GPHN: variants seen among roughly 807,000 people sequenced by gnomAD.
The protein encoded by GPHN is gephyrin.
A neutral mutation model predicts 95.5 loss-of-function variants in GPHN; 17 were observed. The observed-to-expected ratio is 0.18, with a 90% CI of 0.12 to 0.27. The LOEUF (loss-of-function observed/expected upper bound fraction) is 0.27, where lower values mean the gene tolerates loss of function less well. Ranked by LOEUF, GPHN falls within the 10% of genes least tolerant of loss-of-function variation. GPHN has a pLI of 1.00. For missense variants in GPHN, 660 were observed against 978.1 expected (o/e 0.67, Z 4.34); for synonymous variants, 320 against 322.5 (o/e 0.99, Z 0.08).
chr14:67,717,602 G>C, the GPHN span, among the ~76,000 whole-genome samples: 1 of 152,202 alleles, frequency 6.6e-6, no homozygotes, highest in Non-Finnish European at 1.5e-5. Context: ...GTTCCCAAAC[G>C]GGGGTGATTT....
intron 8 of GPHN, among the ~76,000 whole-genome samples, chr14:66,925,113 C>T (rs2066419180): frequency 6.6e-6 from 1 of 151,936 alleles, no homozygotes; most frequent in Admixed American, 6.6e-5. Flanking sequence ...AAGATACTAC[C>T]AAGTGAAGAC....
At chr14:66,982,631 T>C (rs2070750177) in intron 9 of GPHN, among the ~76,000 whole-genome samples, 1 of 152,208 alleles carries the variant, frequency 6.6e-6, no homozygotes, top group Admixed American at 6.5e-5. Flanking sequence ...AAAAGATTTC[T>C]TCATGATTAA....
At chr14:67,598,824 C>G in the GPHN span, among the ~76,000 whole-genome samples, 4 of 152,076 alleles carry the variant, frequency 2.6e-5, no homozygotes, top group East Asian at 5.8e-4. Context: ...ATTCTCCCGC[C>G]TGAGCCTTCC....
At chr14:67,061,482 A>G (rs1057192556) in intron 11 of GPHN, among the ~76,000 whole-genome samples, 1 of 151,940 alleles carries the variant, frequency 6.6e-6, no homozygotes, top group Non-Finnish European at 1.5e-5. Flanking sequence ...CCTACACGCA[A>G]CTCTTCAGCA....
At chr14:66,973,630 G>A (rs2069978378) in intron 9 of GPHN, among the ~76,000 whole-genome samples, 1 of 152,040 alleles carries the variant, frequency 6.6e-6, no homozygotes, top group African/African-American at 2.4e-5. Context: ...GTGGTGGTGG[G>A]CGCCTGTAAT....
chr14:66,811,491 G>A lies in GPHN; in HGVS notation c.202-12983G>A, dbSNP rs1274757664. 7.4e-5 allele frequency among the ~76,000 whole-genome samples: 11 copies of A among 148,014 alleles called. No individual in the cohort carries two copies. The South Asian group carries it at 2.1e-3, about 29-fold the overall frequency. ...GATTGAATTATTTTTGGTCTTTTTAGTAAGCATGTATTTTAAGAATCATAA... is the reference window on the plus strand; with the variant it reads ...GATTGAATTATTTTTGGTCTTTTTAATAAGCATGTATTTTAAGAATCATAA... On this transcript the variant is annotated intron_variant, in intron 3 of 22. Coordinates refer to ENST00000478722, the MANE Select transcript of GPHN (RefSeq NM_020806.5).
At chr14:67,130,420 G>A (rs561658241) in intron 17 of GPHN, among the ~76,000 whole-genome samples, 1 of 152,248 alleles carries the variant, frequency 6.6e-6, no homozygotes, top group South Asian at 2.1e-4. Context: ...GCCTCCAGCT[G>A]CATCCATGTA....
chr14:67,712,468 C>T, the GPHN span, among the ~76,000 whole-genome samples: 1 of 62,014 alleles, frequency 1.6e-5, no homozygotes, highest in African/African-American at 4.8e-5. Context: ...AAACAGAATT[C>T]AGTCAACTGA....
intron 3 of GPHN, among the ~76,000 whole-genome samples, chr14:66,804,000 TG>T (rs200786549): frequency 0.016 from 2,343 of 149,306 alleles, 32 homozygotes; most frequent in Non-Finnish European, 0.018. Context: ...GCATCTCTTT[TG>T]GGGGTTTTTT....
chr14:67,316,165 A>G, the GPHN span, among the ~76,000 whole-genome samples: 76 of 152,330 alleles, frequency 5.0e-4, 1 homozygote, highest in South Asian at 0.015. Flanking sequence ...CTTGTATCCT[A>G]TAGGAAAAGA....
At chr14:67,550,689 T>C in the GPHN span, among the ~76,000 whole-genome samples, 1 of 152,236 alleles carries the variant, frequency 6.6e-6, no homozygotes, top group Non-Finnish European at 1.5e-5. Context: ...CCAGATCTTT[T>C]GATTTTTTAA....
chr14:67,380,600 T>TA, the GPHN span: 2 of 946,972 alleles, frequency 2.1e-6, no homozygotes, highest in Non-Finnish European at 3.1e-6. Flanking sequence ...AGTGTTTGGT[T>TA]TCACATTTAT....
chr14:67,280,842 TCC>T, the GPHN span, among the ~76,000 whole-genome samples: 1 of 133,620 alleles, frequency 7.5e-6, no homozygotes, highest in African/African-American at 3.2e-5. Context: ...CTTCCTTCCT[TCC>T]TTCCTTCCTT....
intron 17 of GPHN, among the ~76,000 whole-genome samples, chr14:67,137,564 G>C (rs1366659424): frequency 6.6e-6 from 1 of 152,128 alleles, no homozygotes; most frequent in Non-Finnish European, 1.5e-5. Context: ...AGGAGTTCAA[G>C]ACTAGCCTGG....
intron 1 of GPHN, among the ~76,000 whole-genome samples, chr14:66,517,126 C>CAAAAAAAAAAAAAAAAAAA: frequency 3.2e-5 from 1 of 31,014 alleles, no homozygotes; most frequent in Admixed American, 3.5e-4. Flanking sequence ...GACTCCATCT[C>CAAAAAAAAAAAAAAAAAAA]AAAAAAAAAA....
chr14:67,358,517 T>C, the GPHN span, among the ~76,000 whole-genome samples: 1 of 151,882 alleles, frequency 6.6e-6, no homozygotes, highest in Non-Finnish European at 1.5e-5. Context: ...GGGTCAAAAC[T>C]GATTTTCTGC....
the GPHN span, among the ~76,000 whole-genome samples, chr14:67,597,267 C>G: frequency 2.3e-4 from 35 of 152,308 alleles, no homozygotes; most frequent in Non-Finnish European, 4.4e-4. Context: ...CGCTTGAGGC[C>G]AGGAGTTCAA....
chr14:66,605,287 A>G (rs2062468210), intron 1 of GPHN, among the ~76,000 whole-genome samples: 1 of 152,060 alleles, frequency 6.6e-6, no homozygotes, highest in East Asian at 1.9e-4. Context: ...TGCTTTCCAC[A>G]GTGGCTGAAC....
chr14:67,700,437 C>G, the GPHN span, among the ~76,000 whole-genome samples: 1 of 151,946 alleles, frequency 6.6e-6, no homozygotes, highest in Non-Finnish European at 1.5e-5. Flanking sequence ...TACAGAAGGC[C>G]GGGCACAGTA....
Sources: allele counts gnomAD v4.1 joint callset (sites outside exome capture counted in the v4.1 genomes callset), GRCh38; gene constraint gnomAD v4.1.1; transcripts MANE v1.5; gene names NCBI Gene and HGNC (gene_info 2026-07-23, HGNC 2026-07-21).